The following ABCA1 variants were observed in gnomAD, a reference collection of about 807,000 sequenced individuals.
The protein encoded by ABCA1 is ATP binding cassette subfamily A member 1.
Under a neutral mutation model 262.5 loss-of-function variants are expected in ABCA1, and 133 were observed. The observed-to-expected ratio is 0.51, with a 90% CI of 0.44 to 0.59. ABCA1 has a LOEUF of 0.59. ABCA1 is among the 20% of genes least tolerant of loss of function. The pLI is 0.00. For missense variants in ABCA1, 2,452 were observed against 2,777.5 expected (o/e 0.88, Z 2.63); for synonymous variants, 1,022 against 1,043.5 (o/e 0.98, Z 0.40).
intron 8 of ABCA1, among the ~76,000 whole-genome samples, chr9:104,841,311 G>A (rs1163292803): frequency 2.6e-5 from 4 of 151,968 alleles, no homozygotes; most frequent in African/African-American, 9.7e-5. Context: ...ATGGTGGCAG[G>A]TGCCTGTAAT....
intron 27 of ABCA1, among the ~76,000 whole-genome samples, chr9:104,813,581 T>G (rs1244700842): frequency 6.6e-6 from 1 of 152,152 alleles, no homozygotes; most frequent in African/African-American, 2.4e-5. Context: ...ACTCGGCTAA[T>G]TTTTTGTATT....
Position 104,817,496 on chromosome 9 carries a change from G to A in ABCA1, c.3463-92C>T. On this transcript the variant is annotated intron_variant, in intron 23 of 49. Transcript: ENST00000374736. This position sits in a 1 kb window ranked among gnomAD's most constrained non-coding sequence, Gnocchi z 4.7. The stretch of plus-strand genomic sequence containing the variant: ...CCGGGGAGGGCTTCCAAGAAGCTCT[G>A]TTGTGTGAGAACTAAAGGAAAAAGC... 7.3e-7 allele frequency: 1 copy of A among 1,374,808 alleles called. No homozygotes were observed. The highest frequency in any genetic ancestry group is 2.3e-5 in the East Asian group (1 of 42,982). 85.2% of individuals were successfully genotyped at this position (1,374,808 alleles called of 1,614,324 possible).
chr9:104,807,960 A>C (rs61548263), intron 30 of ABCA1, among the ~76,000 whole-genome samples: 13,763 of 151,228 alleles, frequency 0.091, 1,523 homozygotes, highest in African/African-American at 0.27. Flanking sequence ...TTCCAGATTG[A>C]TCTCTAATTG....
At chr9:104,791,778 C>T (rs1829448741) in intron 43 of ABCA1, among the ~76,000 whole-genome samples, 158 bp downstream of exon 43, 4 of 152,178 alleles carry the variant, frequency 2.6e-5, no homozygotes, top group Admixed American at 2.6e-4. Flanking sequence ...TCTTGACATA[C>T]AGGGTCCCTC....
At chr9:104,855,713 T>C in intron 7 of ABCA1, 1 of 1,540,440 alleles carries the variant, frequency 6.5e-7, no homozygotes, top group Non-Finnish European at 8.8e-7. Flanking sequence ...AGGGACTAAA[T>C]AATTTATCCG....
chr9:104,788,310 G>T, intron 45 of ABCA1, 116 bp downstream of exon 45: 6 of 1,268,722 alleles, frequency 4.7e-6, no homozygotes, highest in Non-Finnish European at 4.4e-6. Context: ...CCAGCATTTT[G>T]TGCTGCTGCA....
At chr9:104,896,420 T>C (rs1272917947) in intron 2 of ABCA1, among the ~76,000 whole-genome samples, 1 of 152,178 alleles carries the variant, frequency 6.6e-6, no homozygotes, top group African/African-American at 2.4e-5. Flanking sequence ...CATGAGTTCA[T>C]TTAATATCCA....
At chr9:104,784,485 A>C in intron 49 of ABCA1, 30 bp from the exon 50 acceptor site, 1 of 1,613,712 alleles carries the variant, frequency 6.2e-7, no homozygotes, top group Non-Finnish European at 8.5e-7. Context: ...GACCTTTATA[A>C]ATACCACTCA....
Position 104,837,435 on chromosome 9 carries a change from A to G in ABCA1, c.1187T>C (p.Met396Thr). 1 of 1,614,044 alleles carries G rather than the reference A, an allele frequency of 6.2e-7. No individual in the cohort carries two copies. The highest frequency in any genetic ancestry group is 2.2e-5 in the East Asian group (1 of 44,878). Residue 396 changes from methionine (M) to threonine (T), a missense_variant, in exon 10 of 50, where the codon ATG becomes ACG. Coordinates refer to ENST00000374736, the MANE Select transcript of ABCA1 (RefSeq NM_005502.4). ...TPDTPATRQVMAEVNKTFQEL... is the reference protein window; with the variant it reads ...TPDTPATRQVTAEVNKTFQEL... ...GGGCTGGGGGCAGCTTACCTCAGCCATGACCTGCCTTGTGGCTGGAGTGTC... is the reference window on the plus strand; with the variant it reads ...GGGCTGGGGGCAGCTTACCTCAGCCGTGACCTGCCTTGTGGCTGGAGTGTC...
intron 1 of ABCA1, among the ~76,000 whole-genome samples, chr9:104,920,140 C>G (rs1318559020): frequency 6.6e-6 from 1 of 152,160 alleles, no homozygotes; most frequent in South Asian, 2.1e-4. Flanking sequence ...AGTAAAATGA[C>G]TTGTCCAAGG....
At chr9:104,793,419 A>G in intron 40 of ABCA1, 119 bp from the exon 41 acceptor site, 1 of 1,377,256 alleles carries the variant, frequency 7.3e-7, no homozygotes, top group Admixed American at 1.9e-5. Context: ...ACAAATGGCT[A>G]TCACCCATGA....
intron 5 of ABCA1, among the ~76,000 whole-genome samples, chr9:104,864,978 G>A (rs4149279): frequency 0.37 from 56,651 of 152,128 alleles, 10,905 homozygotes; most frequent in East Asian, 0.61. Context: ...CCTTGGCTGT[G>A]CACGTGCATG....
At chr9:104,843,152 T>C (rs984946549) in intron 8 of ABCA1, among the ~76,000 whole-genome samples, 2 of 152,202 alleles carry the variant, frequency 1.3e-5, no homozygotes, top group Non-Finnish European at 2.9e-5. Flanking sequence ...TTTTCTTCAC[T>C]GCATATATCC....
rs960416363 is a variant in ABCA1 at position 104,811,024 on chromosome 9, C to A, written c.4051-100G>T. On this transcript the variant is annotated intron_variant, in intron 28 of 49. Coordinates refer to ENST00000374736, the MANE Select transcript of ABCA1 (RefSeq NM_005502.4). ...TCCCTACGAGTCCAGCCCACCTCCC[C>A]GACCAACCAGCACGGCAATGAGGAA... The A allele has an allele frequency of 1.1e-5, 17 of 1,551,662 alleles. No individual in the cohort carries two copies. The African/African-American group carries it at 2.2e-4, about 20-fold the overall frequency.
Position 104,913,534 on chromosome 9 carries a change from A to G in ABCA1, c.-92-9763T>C, listed in dbSNP as rs538527384. On this transcript the variant is annotated intron_variant, in intron 1 of 49. Transcript: ENST00000374736. The stretch of plus-strand genomic sequence containing the variant: ...CACAGAGTGGGTGGTTTATTAAAGG[A>G]ATCTCTTTTCTGTATTCTTTGTCCA... 3.3e-5 allele frequency among the ~76,000 whole-genome samples: 5 copies of G among 152,322 alleles called. No homozygotes were observed. The South Asian group carries it at 1.0e-3, about 32-fold the overall frequency.
chr9:104,796,279 G>C, intron 38 of ABCA1, 30 bp downstream of exon 38: 1 of 1,613,896 alleles, frequency 6.2e-7, no homozygotes, highest in Non-Finnish European at 8.5e-7. Flanking sequence ...CTTATCCACT[G>C]TGCAGCTCCC....
At chr9:104,865,313 T>C (rs891539450) in intron 5 of ABCA1, among the ~76,000 whole-genome samples, 1 of 151,974 alleles carries the variant, frequency 6.6e-6, no homozygotes, top group Non-Finnish European at 1.5e-5. Context: ...TCACTTGAGG[T>C]CAGGAGTTTG....
chr9:104,840,162 C>T (rs879877351), intron 9 of ABCA1, 117 bp downstream of exon 9: 1 of 1,558,622 alleles, frequency 6.4e-7, no homozygotes, highest in Non-Finnish European at 8.7e-7. Flanking sequence ...GTCTGGTGGG[C>T]AAATGGGCAT....
intron 42 of ABCA1, among the ~76,000 whole-genome samples, chr9:104,792,514 A>G (rs1420300397): frequency 3.3e-5 from 5 of 152,196 alleles, no homozygotes; most frequent in Non-Finnish European, 4.4e-5. Context: ...CTAGATATAC[A>G]ATATTAGTAT....
Sources: allele counts gnomAD v4.1 joint callset (sites outside exome capture counted in the v4.1 genomes callset), GRCh38; gene constraint gnomAD v4.1.1; non-coding constraint Gnocchi (gnomAD v3.1); transcripts MANE v1.5; gene names NCBI Gene and HGNC (gene_info 2026-07-23, HGNC 2026-07-21).